The following SETD9 variants were observed in gnomAD, a reference collection of about 807,000 sequenced individuals.
The protein encoded by SETD9 is SET domain containing 9.
In SETD9, 37 loss-of-function variants were observed where a neutral mutation model predicts 36.4. The ratio of observed to expected loss-of-function variants is 1.02; its 90% CI spans 0.78 to 1.34. SETD9 has a LOEUF of 1.34. Ranked by LOEUF, SETD9 falls within the 40% of genes most tolerant of loss-of-function variation. SETD9 has a pLI of 0.00. For missense variants in SETD9, 323 were observed against 353.2 expected (o/e 0.91, Z 0.69); for synonymous variants, 128 against 132.9 (o/e 0.96, Z 0.26).
At chr5:56,910,791 C>T (rs2112007605) in intron 1 of SETD9, 1 of 180,298 alleles carries the variant, frequency 5.5e-6, no homozygotes, top group East Asian at 1.7e-4. Flanking sequence ...TGACATTCAG[C>T]TTGGCTGTTG....
downstream of SETD9, chr5:56,921,094 GAATAT>G: frequency 6.6e-6 from 1 of 152,514 alleles, no homozygotes; most frequent in Admixed American, 6.5e-5. Context: ...TAGATAAACT[GAATAT>G]ATTACTGCAT....
chr5:56,910,397 G>A, intron 1 of SETD9: 2 of 1,303,938 alleles, frequency 1.5e-6, no homozygotes, highest in South Asian at 2.5e-5. Context: ...GGATTGGGGT[G>A]AGTCCCGCCG....
chr5:56,909,593 G>T, upstream of SETD9: 4 of 1,466,768 alleles, frequency 2.7e-6, no homozygotes, highest in Non-Finnish European at 3.7e-6. Flanking sequence ...GCGGGCCCGA[G>T]GCCTCGATCC....
chr5:56,916,789 C>T lies in SETD9; in HGVS notation c.813-26C>T, dbSNP rs748021244. 5 of 1,594,500 alleles carry T rather than the reference C, an allele frequency of 3.1e-6. No individual in the cohort carries two copies. In the African/African-American group the frequency reaches 4.1e-5, roughly 13 times the overall value. ...TGAGCTTATATTTGTTAATGCTCTA[C>T]CTTTTGTATATCTTTTTGTTTTCAG... On this transcript the variant is annotated intron_variant, in intron 5 of 5. Coordinates refer to ENST00000285947, the MANE Select transcript of SETD9 (RefSeq NM_153706.4).
At chr5:56,911,682 G>A (rs1262437262) in intron 2 of SETD9, 146 bp downstream of exon 2, 5 of 826,218 alleles carry the variant, frequency 6.1e-6, no homozygotes, top group East Asian at 2.9e-5. Context: ...ATTCTAATTC[G>A]GAAATTAACT....
intron 2 of SETD9, 61 bp downstream of exon 2, chr5:56,911,597 C>A (rs1374565151): frequency 6.9e-7 from 1 of 1,450,542 alleles, no homozygotes; most frequent in South Asian, 1.5e-5. Context: ...AACATAAGTT[C>A]AGTAACATAC....
chr5:56,913,177 C>T, intron 3 of SETD9, 43 bp downstream of exon 3: 1 of 1,594,978 alleles, frequency 6.3e-7, no homozygotes, highest in Non-Finnish European at 8.5e-7. Flanking sequence ...GGAGACAGAA[C>T]CGCACTTACC....
intron 4 of SETD9, 37 bp from the exon 5 acceptor site, chr5:56,914,824 A>G (rs1561221189): frequency 6.8e-7 from 1 of 1,468,508 alleles, no homozygotes; most frequent in Non-Finnish European, 9.3e-7. Flanking sequence ...ACCTTGTATA[A>G]TGGCTCTTTT....
At chr5:56,920,151 T>C (rs370030538), downstream of SETD9, 3 of 152,598 alleles carry the variant, frequency 2.0e-5, no homozygotes, top group African/African-American at 7.2e-5. Context: ...AAGGAAATGA[T>C]TGCACAATTC....
chr5:56,916,806 T>G lies in SETD9; in HGVS notation c.813-9T>G. 6.3e-7 allele frequency: 1 copy of G among 1,599,720 alleles called. No homozygotes were observed. Among genetic ancestry groups the G allele is most frequent in the Non-Finnish European group, 8.5e-7 (1 of 1,175,636 alleles). On this transcript the variant is annotated splice_polypyrimidine_tract_variant and intron_variant, in intron 5 of 5. Coordinates refer to ENST00000285947, the MANE Select transcript of SETD9 (RefSeq NM_153706.4). ...ATGCTCTACCTTTTGTATATCTTTT[T>G]GTTTTCAGCCCACTTCGATGTGTTG...
chr5:56,909,585 G>C (rs1476836757), upstream of SETD9: 4 of 1,392,770 alleles, frequency 2.9e-6, no homozygotes, highest in South Asian at 3.9e-5. Flanking sequence ...GGGCCGGGGC[G>C]GGCCCGAGGC....
chr5:56,919,779 TACTC>T (rs1195283777), downstream of SETD9: 1 of 152,638 alleles, frequency 6.6e-6, no homozygotes, highest in Non-Finnish European at 1.5e-5. Flanking sequence ...ATTTATCTCA[TACTC>T]ACAGGGTACT....
At chr5:56,927,541 C>T (rs778718244), downstream of SETD9, among the ~76,000 whole-genome samples, 29 of 152,108 alleles carry the variant, frequency 1.9e-4, no homozygotes, top group Non-Finnish European at 3.4e-4. Flanking sequence ...CCAAACTATT[C>T]TAATGAACAT....
chr5:56,925,163 A>C (rs143796939), intron 5 of SETD9, among the ~76,000 whole-genome samples: 1 of 152,328 alleles, frequency 6.6e-6, no homozygotes, highest in East Asian at 1.9e-4. Flanking sequence ...AAAATGTCTT[A>C]AATTATACGC....
At chr5:56,914,271 A>G (rs974187589) in intron 4 of SETD9, among the ~76,000 whole-genome samples, 1 of 152,218 alleles carries the variant, frequency 6.6e-6, no homozygotes, top group African/African-American at 2.4e-5. Context: ...CATTTTAAAA[A>G]TAGAAATTAT....
chr5:56,913,714 A>G (rs1364475590), intron 3 of SETD9, among the ~76,000 whole-genome samples, 160 bp from the exon 4 acceptor site: 1 of 151,436 alleles, frequency 6.6e-6, no homozygotes, highest in Non-Finnish European at 1.5e-5. Context: ...AATTCTGTTT[A>G]GATAGCTGCT....
chr5:56,909,613 G>A lies in SETD9; in HGVS notation c.-33G>A, dbSNP rs982998086. On this transcript the variant is annotated 5_prime_UTR_variant, in exon 1 of 6. Transcript: ENST00000285947. ...CCCGAGGCCTCGATCCGCCTTCCCC[G>A]CGCCGTCCTGGTCACGGCCCCGCGG... The A allele has an allele frequency of 1.9e-6, 3 of 1,567,174 alleles. No homozygotes were observed. The highest frequency in any genetic ancestry group is 2.6e-6 in the Non-Finnish European group (3 of 1,156,686).
chr5:56,911,397 C>A lies in SETD9; in HGVS notation c.327C>A (p.Thr109=), dbSNP rs1749116081. The A allele has an allele frequency of 6.2e-7, 1 of 1,613,646 alleles. No homozygotes were observed. The highest frequency in any genetic ancestry group is 1.3e-5 in the African/African-American group (1 of 74,894). The change falls in exon 2 of 6, where the codon ACC becomes ACA. Residue 109 remains threonine, a synonymous_variant. Coordinates refer to ENST00000285947, the MANE Select transcript of SETD9 (RefSeq NM_153706.4). ...AAAACAGACATCAACAGCAAAGTAC[C>A]TTTAAACCAGAAGAAATTCTTTACA... is the stretch of plus-strand genomic sequence containing the variant. The part of the protein sequence containing the change: ...LLENRHQQQS[T]FKPEEILYKT...
At chr5:56,918,082 T>G (rs1749503578), downstream of SETD9, among the ~76,000 whole-genome samples, 1 of 152,066 alleles carries the variant, frequency 6.6e-6, no homozygotes, top group African/African-American at 2.4e-5. Context: ...GAAAGTCAGG[T>G]ATTGACATAC....
Sources: allele counts gnomAD v4.1 joint callset (sites outside exome capture counted in the v4.1 genomes callset), GRCh38; gene constraint gnomAD v4.1.1; transcripts MANE v1.5; gene names NCBI Gene and HGNC (gene_info 2026-07-23, HGNC 2026-07-21).